The following ARAP2 variants were observed in gnomAD, a reference collection of about 807,000 sequenced individuals.
The protein encoded by ARAP2 is ArfGAP with RhoGAP domain, ankyrin repeat and PH domain 2, also known as arf-GAP with Rho-GAP domain, ANK repeat and PH domain-containing protein 2.
A neutral mutation model predicts 194.5 loss-of-function variants in ARAP2; 148 were observed. The ratio of observed to expected loss-of-function variants is 0.76; its 90% CI spans 0.67 to 0.87. ARAP2 has a LOEUF of 0.87. Among genes scored for constraint, ARAP2 ranks in the 40% least tolerant of loss-of-function variants. The probability of loss-of-function intolerance (pLI) is 0.00; values close to 1 mark genes in which losing one functional copy is unlikely to be tolerated. For synonymous variants in ARAP2, 695 were observed against 683.5 expected (o/e 1.02, Z -0.26); for missense variants, 2,128 against 1,989.7 (o/e 1.07, Z -1.32).
chr4:36,032,001 TA>T (rs1719063310), intron 5 of ARAP2, among the ~76,000 whole-genome samples: 3 of 152,276 alleles, frequency 2.0e-5, no homozygotes, highest in South Asian at 4.1e-4. Flanking sequence ...TATTTTTTAT[TA>T]AAAGCTGTTA....
chr4:36,014,223 TCGAA>T (rs1448053372), intron 8 of ARAP2, among the ~76,000 whole-genome samples: 18 of 58,320 alleles, frequency 3.1e-4, no homozygotes, highest in African/African-American at 4.2e-4. Flanking sequence ...TGAGACCCTA[TCGAA>T]AGAAAGAAAG....
Position 36,239,235 on chromosome 4 carries a change from C to A in ARAP2, c.-160+4944G>T, listed in dbSNP as rs568780392. Among the ~76,000 whole-genome samples, 49 of 151,444 alleles carry A rather than the reference C, an allele frequency of 3.2e-4. No homozygotes were observed. The South Asian group carries it at 0.01, about 31-fold the overall frequency. On this transcript the variant is annotated intron_variant, in intron 1 of 32. Coordinates refer to ENST00000303965, the MANE Select transcript of ARAP2 (RefSeq NM_015230.4). ...AGGTTGCAGTGAGCCAATATCACGCCACTACAGGGACAGAGAAAGATGCTG... is the reference window on the plus strand; with the variant it reads ...AGGTTGCAGTGAGCCAATATCACGCAACTACAGGGACAGAGAAAGATGCTG...
chr4:36,035,098 A>G (rs756612012), intron 5 of ARAP2, among the ~76,000 whole-genome samples: 1 of 152,094 alleles, frequency 6.6e-6, no homozygotes, highest in African/African-American at 2.4e-5. Flanking sequence ...CGCTGGCCTC[A>G]TAGAATGAGC....
intron 1 of ARAP2, among the ~76,000 whole-genome samples, chr4:36,241,758 G>T (rs568137974): frequency 6.6e-6 from 1 of 152,088 alleles, no homozygotes; most frequent in East Asian, 1.9e-4. Flanking sequence ...CCAATTTTAT[G>T]ACCCTAATTT....
intron 32 of ARAP2, among the ~76,000 whole-genome samples, chr4:36,071,691 TAA>T (rs1726952107): frequency 3.5e-5 from 1 of 28,746 alleles, no homozygotes; most frequent in South Asian, 2.0e-3. Context: ...AGTTTTTTTT[TAA>T]TTTTTTTTCT....
chr4:36,049,314 C>T (rs1577659087), intron 3 of ARAP2, among the ~76,000 whole-genome samples: 1 of 152,076 alleles, frequency 6.6e-6, no homozygotes, highest in East Asian at 1.9e-4. Context: ...GAAATGTATT[C>T]AATCATTCTT....
At chr4:36,220,757 T>C (rs13112844) in intron 2 of ARAP2, among the ~76,000 whole-genome samples, 12,877 of 152,028 alleles carry the variant, frequency 0.085, 590 homozygotes, top group Middle Eastern at 0.13. Context: ...AAAATGCTTA[T>C]AGAACGAGGA....
chr4:36,037,927 A>G (rs1270086608), intron 5 of ARAP2, among the ~76,000 whole-genome samples: 1 of 152,132 alleles, frequency 6.6e-6, no homozygotes, highest in Non-Finnish European at 1.5e-5. Flanking sequence ...TCTCACTACT[A>G]CTGAATTTAT....
intron 1 of ARAP2, among the ~76,000 whole-genome samples, chr4:36,242,907 G>A (rs1391481023): frequency 6.6e-6 from 1 of 152,124 alleles, no homozygotes; most frequent in African/African-American, 2.4e-5. Flanking sequence ...CTTCGTGTTA[G>A]GAACCACCTT....
At chr4:36,187,357 T>G in intron 8 of ARAP2, 94 bp downstream of exon 8, 1 of 644,512 alleles carries the variant, frequency 1.6e-6, no homozygotes, top group Non-Finnish European at 2.3e-6. Flanking sequence ...AAGTAATATA[T>G]TTAAAGGTTT....
At chr4:36,117,850 T>C (rs544371213) in intron 24 of ARAP2, among the ~76,000 whole-genome samples, 27 of 151,700 alleles carry the variant, frequency 1.8e-4, no homozygotes, top group Non-Finnish European at 3.3e-4. Context: ...AAAGGCCTTA[T>C]GATGTCATAT....
At chr4:36,065,375 G>A (rs916617731), downstream of ARAP2, 1 of 523,774 alleles carries the variant, frequency 1.9e-6, no homozygotes, top group Non-Finnish European at 3.9e-6. Context: ...TCTTCTCATA[G>A]TGCCAGGGCC....
intron 21 of ARAP2, among the ~76,000 whole-genome samples, chr4:36,127,947 C>G (rs1049722273): frequency 1.3e-5 from 2 of 151,848 alleles, no homozygotes; most frequent in Admixed American, 1.3e-4. Context: ...AGGTTAAAAA[C>G]ACGTTTTACT....
chr4:36,114,176 C>G lies in ARAP2; in HGVS notation c.4150G>C (p.Glu1384Gln). 1 of 1,583,374 alleles carries G rather than the reference C, an allele frequency of 6.3e-7. No individual in the cohort carries two copies. The highest frequency in any genetic ancestry group is 1.7e-5 in the Admixed American group (1 of 58,750). The part of the protein sequence containing the change: ...WATFEVIENE[E>Q]LERPLHYKEN... ...TAGCATAAAAATCACTTACCTAGCT[C>G]TTCATTTTCAATGACTTCAAATGTG... is the stretch of plus-strand genomic sequence containing the variant. The change falls in exon 26 of 33, where the codon GAG (glutamate) becomes CAG (glutamine). Residue 1384 changes from glutamate to glutamine, a missense_variant. Physicochemically the swap from Glu to Gln is conservative, Grantham distance 29. Transcript: ENST00000303965.
At chr4:36,208,104 T>C (rs1373057432) in intron 6 of ARAP2, among the ~76,000 whole-genome samples, 1 of 152,122 alleles carries the variant, frequency 6.6e-6, no homozygotes, top group African/African-American at 2.4e-5. Context: ...GTAAGCCCTG[T>C]AGAAGAAAGT....
chr4:36,070,147 A>G (rs778533431), intron 32 of ARAP2, among the ~76,000 whole-genome samples: 2 of 152,196 alleles, frequency 1.3e-5, no homozygotes, highest in Admixed American at 6.5e-5. Context: ...AGACTAATAC[A>G]TCTATAATAT....
chr4:36,030,611 T>C (rs34975206), intron 5 of ARAP2, among the ~76,000 whole-genome samples: 153 of 152,152 alleles, frequency 1.0e-3, no homozygotes, highest in Non-Finnish European at 1.9e-3. Context: ...ACTTTTAAGG[T>C]TTGGTTTTGT....
At chr4:36,075,054 C>T (rs6826501) in intron 31 of ARAP2, among the ~76,000 whole-genome samples, 71,890 of 151,816 alleles carry the variant, frequency 0.47, 17,489 homozygotes, top group Middle Eastern at 0.59. Flanking sequence ...TATAGCTTCA[C>T]ATTATTTTTA....
At chr4:36,174,873 A>G (rs1003729229) in intron 9 of ARAP2, among the ~76,000 whole-genome samples, 9 of 152,300 alleles carry the variant, frequency 5.9e-5, no homozygotes, top group Non-Finnish European at 1.3e-4. Context: ...ATTCCTCTTT[A>G]AAAAACTCTT....
Sources: allele counts gnomAD v4.1 joint callset (sites outside exome capture counted in the v4.1 genomes callset), GRCh38; gene constraint gnomAD v4.1.1; transcripts MANE v1.5; gene names NCBI Gene and HGNC (gene_info 2026-07-23, HGNC 2026-07-21).